The following ST6GALNAC5 variants were observed in gnomAD, a reference collection of about 807,000 sequenced individuals.
ST6GALNAC5 encodes alpha-N-acetylgalactosaminide alpha-2,6-sialyltransferase 5.
ST6GALNAC5 carries 27 observed loss-of-function variants against 33.6 expected under a neutral mutation model. That is an observed-to-expected ratio of 0.80 (90% CI 0.59 to 1.11). The LOEUF is 1.11. ST6GALNAC5 is among the 50% of genes least tolerant of loss of function. ST6GALNAC5 has a pLI of 0.00. For synonymous variants in ST6GALNAC5, 194 were observed against 171.2 expected (o/e 1.13, Z -1.04); for missense variants, 428 against 454.0 (o/e 0.94, Z 0.52).
chr1:76,942,260 T>C (rs1647361033), intron 2 of ST6GALNAC5, among the ~76,000 whole-genome samples: 1 of 152,146 alleles, frequency 6.6e-6, no homozygotes. Flanking sequence ...CATTTTGGCA[T>C]GCAGTATTCC....
chr1:76,982,139 A>G (rs929656592), intron 2 of ST6GALNAC5, among the ~76,000 whole-genome samples: 2 of 152,192 alleles, frequency 1.3e-5, no homozygotes. Context: ...CCAGCAATGG[A>G]ACAAAGCTGG....
chr1:76,881,898 G>A (rs1050795705), intron 2 of ST6GALNAC5, among the ~76,000 whole-genome samples: 1 of 152,210 alleles, frequency 6.6e-6, no homozygotes, highest in African/African-American at 2.4e-5. Context: ...GAATTCCAGA[G>A]TGGTTGTGTG....
rs1215466882 is a variant in ST6GALNAC5 at position 76,868,623 on chromosome 1, C to A, written c.142C>A (p.Gln48Lys). The A allele has an allele frequency of 1.9e-6, 3 of 1,610,848 alleles. No homozygotes were observed. The East Asian group carries it at 6.7e-5, about 36-fold the overall frequency. The change falls in exon 2 of 5, where the codon CAG becomes AAG. Residue 48 changes from glutamine to lysine, a missense_variant. Gln to Lys is a moderately conservative substitution (Grantham distance 53, BLOSUM62 1). Transcript: ENST00000477717. The surrounding 1 kb of genome is among the most constrained non-coding windows in gnomAD (Gnocchi z 4.3). ...QQQQQQQQQQQQASATGSSQP... is the reference protein window; with the variant it reads ...QQQQQQQQQQKQASATGSSQP... ...GCAGCAGCAGCAGCAGCAACAGCAG[C>A]AGCAGGCGTCGGCCACCGGCAGCTC... is the stretch of plus-strand genomic sequence containing the variant.
At chr1:76,883,901 C>T (rs1371803778) in intron 2 of ST6GALNAC5, among the ~76,000 whole-genome samples, 2 of 152,202 alleles carry the variant, frequency 1.3e-5, no homozygotes, top group Non-Finnish European at 2.9e-5. Context: ...GAGAAACACA[C>T]ATAAAATTTC....
chr1:77,008,590 C>A (rs980745313), intron 2 of ST6GALNAC5, among the ~76,000 whole-genome samples: 1 of 152,022 alleles, frequency 6.6e-6, no homozygotes, highest in Non-Finnish European at 1.5e-5. Context: ...AGTGCAGTGG[C>A]TCAATCTCGG....
At position 76,962,352 on chromosome 1, in the gene ST6GALNAC5, T is replaced by C. The variant is rs531664194; in HGVS notation, c.262-81852T>C. 8.9e-4 allele frequency among the ~76,000 whole-genome samples: 135 copies of C among 152,166 alleles called. 1 individual carries two copies. Among genetic ancestry groups the C allele is most frequent in the Non-Finnish European group, 1.6e-3 (108 of 68,030 alleles). Reference sequence around the variant, plus strand: ...GCAGCATGGATGACCCCAGATTAAATGTCAAGCCACTCACAGAAAGTTTAG... The same window carrying C: ...GCAGCATGGATGACCCCAGATTAAACGTCAAGCCACTCACAGAAAGTTTAG... On this transcript the variant is annotated intron_variant, in intron 2 of 4. Coordinates refer to ENST00000477717, the MANE Select transcript of ST6GALNAC5 (RefSeq NM_030965.3).
intron 2 of ST6GALNAC5, among the ~76,000 whole-genome samples, chr1:76,937,953 G>C (rs887032830): frequency 6.6e-5 from 10 of 151,990 alleles, no homozygotes; most frequent in Non-Finnish European, 1.3e-4. Flanking sequence ...TTTCCTGTCG[G>C]ATTTAGTTTG....
At chr1:77,012,226 GT>G (rs892981649) in intron 2 of ST6GALNAC5, among the ~76,000 whole-genome samples, 4 of 152,086 alleles carry the variant, frequency 2.6e-5, no homozygotes, top group Non-Finnish European at 4.4e-5. Context: ...ATGTTTAAGA[GT>G]TTTTTAAGCC....
In ST6GALNAC5 at chr1:77,016,990, G is replaced by A. The variant is rs372041060; in HGVS notation, c.262-27214G>A. On this transcript the variant is annotated intron_variant, in intron 2 of 4. Coordinates refer to ENST00000477717, the MANE Select transcript of ST6GALNAC5 (RefSeq NM_030965.3). ...AGGGAAATTAACAATGGCATGAATG[G>A]TGCATTATGTGCTCCAAGTTCGGGT... 2.5e-3 allele frequency among the ~76,000 whole-genome samples: 380 copies of A among 152,092 alleles called. 3 individuals are homozygous for A. Among genetic ancestry groups the A allele is most frequent in the South Asian group, 5.4e-3 (26 of 4,802 alleles).
intron 2 of ST6GALNAC5, among the ~76,000 whole-genome samples, chr1:76,875,196 A>G (rs1458212372): frequency 1.3e-5 from 2 of 152,054 alleles, no homozygotes; most frequent in Non-Finnish European, 2.9e-5. Context: ...TTCTTCTACT[A>G]CTCATTGTCT....
intron 2 of ST6GALNAC5, among the ~76,000 whole-genome samples, chr1:76,946,649 C>T (rs1032159014): frequency 6.6e-6 from 1 of 152,070 alleles, no homozygotes; most frequent in African/African-American, 2.4e-5. Flanking sequence ...AAGAGCAGTC[C>T]AGAGTGGTCT....
At chr1:76,988,071 A>T (rs758111243) in intron 2 of ST6GALNAC5, among the ~76,000 whole-genome samples, 150 of 151,882 alleles carry the variant, frequency 9.9e-4, no homozygotes, top group Middle Eastern at 3.4e-3. Context: ...CATTAAAAAA[A>T]TTTTTTTTTC....
chr1:76,940,963 T>G (rs546635174), intron 2 of ST6GALNAC5, among the ~76,000 whole-genome samples: 2 of 152,150 alleles, frequency 1.3e-5, no homozygotes, highest in Admixed American at 1.3e-4. Context: ...ATGTATAGAT[T>G]CACTGAAAAC....
At chr1:76,884,891 T>A (rs1035648877) in intron 2 of ST6GALNAC5, among the ~76,000 whole-genome samples, 5 of 151,698 alleles carry the variant, frequency 3.3e-5, no homozygotes, top group African/African-American at 1.2e-4. Flanking sequence ...TAGGGAAGAG[T>A]AGTAACCAGG....
intron 2 of ST6GALNAC5, among the ~76,000 whole-genome samples, chr1:76,895,859 C>A (rs970800210): frequency 6.6e-6 from 1 of 152,148 alleles, no homozygotes; most frequent in South Asian, 2.1e-4. Context: ...TAAAAAGGAC[C>A]GTCTGTACAG....
Position 76,995,105 on chromosome 1 carries a change from T to C in ST6GALNAC5, c.262-49099T>C, listed in dbSNP as rs531684406. On this transcript the variant is annotated intron_variant, in intron 2 of 4. Coordinates refer to ENST00000477717, the MANE Select transcript of ST6GALNAC5 (RefSeq NM_030965.3). ...ATTTAGGTTTACATTATATAAAATT[T>C]AATATGTTTTGGCTGGGCGCAGTGG... 5.3e-5 allele frequency among the ~76,000 whole-genome samples: 8 copies of C among 152,248 alleles called. No individual in the cohort carries two copies. The East Asian group carries it at 5.8e-4, about 11-fold the overall frequency.
At chr1:77,062,949 T>G in intron 4 of ST6GALNAC5, 26 bp from the exon 5 acceptor site, 1 of 1,596,198 alleles carries the variant, frequency 6.3e-7, no homozygotes, top group Non-Finnish European at 8.6e-7. Context: ...TTTGCTTTAA[T>G]CAGTTATCTC....
At chr1:77,025,019 C>G (rs1218846265) in intron 2 of ST6GALNAC5, among the ~76,000 whole-genome samples, 1 of 152,154 alleles carries the variant, frequency 6.6e-6, no homozygotes, top group Non-Finnish European at 1.5e-5. Flanking sequence ...TGTGGATTCT[C>G]TTTGTCCTGG....
At chr1:76,967,184 C>T (rs917081392) in intron 2 of ST6GALNAC5, among the ~76,000 whole-genome samples, 1 of 152,164 alleles carries the variant, frequency 6.6e-6, no homozygotes, top group Non-Finnish European at 1.5e-5. Flanking sequence ...ACCAGCTCCT[C>T]TTTGTATCTC....
Sources: gnomAD v4.1 joint callset for allele counts (sites outside exome capture counted in the v4.1 genomes callset) on GRCh38, gnomAD v4.1.1 for gene constraint, Gnocchi (gnomAD v3.1) non-coding constraint, MANE v1.5 for transcripts, NCBI Gene and HGNC (gene_info 2026-07-23, HGNC 2026-07-21) for gene names.